NQO2: variants seen among roughly 807,000 people sequenced by gnomAD.
The protein encoded by NQO2 is N-ribosyldihydronicotinamide:quinone dehydrogenase 2.
In NQO2, 18 loss-of-function variants were observed where a neutral mutation model predicts 22.0. The observed-to-expected ratio is 0.82, with a 90% CI of 0.56 to 1.21. The LOEUF (loss-of-function observed/expected upper bound fraction) is 1.21, where lower values mean the gene tolerates loss of function less well. Among genes scored for constraint, NQO2 ranks in the 50% most tolerant of loss-of-function variants. NQO2 has a pLI of 0.00. For missense variants in NQO2, 267 were observed against 286.9 expected (o/e 0.93, Z 0.50); for synonymous variants, 106 against 110.8 (o/e 0.96, Z 0.28).
At chr6:3,014,511 C>T (rs376872120) in intron 4 of NQO2, among the ~76,000 whole-genome samples, 2 of 152,298 alleles carry the variant, frequency 1.3e-5, no homozygotes, top group East Asian at 3.9e-4. Context: ...GCCCGCTTTC[C>T]TCCTCGCACC....
chr6:3,006,892 C>T lies in NQO2; in HGVS notation c.7+333C>T, dbSNP rs1256618895. 1 of 415,632 alleles carries T rather than the reference C, an allele frequency of 2.4e-6. No individual in the cohort carries two copies. The highest frequency in any genetic ancestry group is 4.2e-6 in the Non-Finnish European group (1 of 235,938). 25.7% of individuals were successfully genotyped at this position (415,632 alleles called of 1,614,324 possible). The stretch of plus-strand genomic sequence containing the variant: ...TCCAGGCCCTGAAATTCTCCCTGGG[C>T]TGTAGCAGGGGCTCAAGTGAATGAA... On this transcript the variant is annotated intron_variant, in intron 2 of 6. Transcript: ENST00000380455. The surrounding 1 kb of genome is among the most constrained non-coding windows in gnomAD (Gnocchi z 4.0).
At chr6:3,004,672 T>G (rs1756877463) in intron 1 of NQO2, 1 of 983,614 alleles carries the variant, frequency 1.0e-6, no homozygotes, top group Admixed American at 6.1e-5. Context: ...GCACCACTTT[T>G]GTGTGTCTCT....
chr6:3,017,035 G>T, intron 6 of NQO2, 50 bp downstream of exon 6: 5 of 1,595,336 alleles, frequency 3.1e-6, no homozygotes, highest in Non-Finnish European at 4.3e-6. Flanking sequence ...CGCACACACA[G>T]ACACACACAT....
At position 3,012,639 on chromosome 6, in the gene NQO2, A is replaced by G; in HGVS notation, c.268A>G (p.Lys90Glu). ...SLASDITDEQKKVREADLVIF... is the reference protein window; with the variant it reads ...SLASDITDEQEKVREADLVIF... ...GGCTAGCGACATCACTGATGAGCAG[A>G]AAAAGGTTCGGGAGGCTGACCTAGT... Residue 90 changes from lysine to glutamate, a missense_variant, in exon 4 of 7, where the codon AAA becomes GAA. Lys to Glu is a moderately conservative substitution (Grantham distance 56). Transcript: ENST00000380455. 4 of 1,613,450 alleles carry G rather than the reference A, an allele frequency of 2.5e-6. No homozygotes were observed. The highest frequency in any genetic ancestry group is 3.4e-6 in the Non-Finnish European group (4 of 1,179,656).
rs1330291976 is a variant in NQO2, at chr6:3,002,235, T to G, written c.-86+2150T>G. ...TGATTTCGGGCAATCACTTTGGGAA[T>G]CAGGATAAGGTGTTCCCCCAGTCTG... On this transcript the variant is annotated intron_variant, in intron 1 of 6. Transcript: ENST00000380455. The G allele has an allele frequency of 3.0e-6, 3 of 985,250 alleles. No individual in the cohort carries two copies. The African/African-American group carries it at 5.2e-5, about 17-fold the overall frequency. 61.0% of individuals were successfully genotyped at this position (985,250 alleles called of 1,614,324 possible). A position where few individuals can be genotyped will look rare whatever the true frequency, so the allele number is the denominator to read the frequency against.
rs369350637 is a variant in NQO2 at position 3,010,228 on chromosome 6, C to T, written c.172+39C>T. On this transcript the variant is annotated intron_variant, in intron 3 of 6. Coordinates refer to ENST00000380455, the MANE Select transcript of NQO2 (RefSeq NM_000904.6). ...TAAATGCTCTATTTATAAAAACCAT[C>T]TTTATGTTTTTTACTTTAAAAAATG... 680 of 1,473,852 alleles carry T rather than the reference C, an allele frequency of 4.6e-4. 1 individual carries two copies. The highest frequency in any genetic ancestry group is 1.2e-3 in the Admixed American group (50 of 43,046). 91.3% of individuals were successfully genotyped at this position (1,473,852 alleles called of 1,614,324 possible). A position where few individuals can be genotyped will look rare whatever the true frequency, so the allele number is the denominator to read the frequency against.
chr6:3,004,155 C>A, intron 1 of NQO2: 1 of 211,920 alleles, frequency 4.7e-6, no homozygotes, highest in Non-Finnish European at 8.1e-6. Flanking sequence ...TCTTGGAAGC[C>A]CCGCCTGTGA....
rs574958000 is a variant in NQO2, at chr6:3,005,922, G to A, written c.-85-546G>A. 1.5e-5 allele frequency: 8 copies of A among 536,064 alleles called. No individual in the cohort carries two copies. In the South Asian group the frequency reaches 6.4e-4, roughly 43 times the overall value. The allele number at this position is 536,064 out of a possible 1,614,324, so 33.2% of individuals were successfully genotyped here. ...GGAAATTGCACCAAGTCTGTCTGAT[G>A]CGGGGGTCTCCTCTGCTCCTCTGGC... On this transcript the variant is annotated intron_variant, in intron 1 of 6. Transcript: ENST00000380455.
intron 2 of NQO2, among the ~76,000 whole-genome samples, chr6:3,009,097 C>T (rs1581325365): frequency 6.6e-6 from 1 of 152,146 alleles, no homozygotes; most frequent in Admixed American, 6.6e-5. Context: ...TCTTAATAAG[C>T]CTGGGAGCGC....
chr6:3,010,229 T>C, intron 3 of NQO2, 40 bp downstream of exon 3: 6 of 1,466,024 alleles, frequency 4.1e-6, no homozygotes, highest in Non-Finnish European at 5.5e-6. Context: ...AAAAACCATC[T>C]TTATGTTTTT....
intron 1 of NQO2, among the ~76,000 whole-genome samples, chr6:3,000,554 T>A (rs1756650242): frequency 6.6e-6 from 1 of 152,054 alleles, no homozygotes; most frequent in Non-Finnish European, 1.5e-5. Flanking sequence ...TTTTTTTTTT[T>A]TCCCCGAGAC....
At chr6:3,010,433 C>T (rs1222270124) in intron 3 of NQO2, among the ~76,000 whole-genome samples, 1 of 151,822 alleles carries the variant, frequency 6.6e-6, no homozygotes, top group Non-Finnish European at 1.5e-5. Context: ...ATTGGACTAT[C>T]ATATCCACGA....
intron 1 of NQO2, among the ~76,000 whole-genome samples, chr6:3,000,935 C>T (rs1486974327): frequency 6.6e-6 from 1 of 152,052 alleles, no homozygotes; most frequent in Non-Finnish European, 1.5e-5. Context: ...CTCTGCCTTC[C>T]AGGTTCAAGC....
At position 3,006,692 on chromosome 6, in the gene NQO2, C is replaced by T. The variant is rs555315667; in HGVS notation, c.7+133C>T. The T allele has an allele frequency of 2.4e-6, 2 of 848,106 alleles. No homozygotes were observed. Among genetic ancestry groups the T allele is most frequent in the East Asian group, 3.0e-5 (1 of 33,368 alleles). The allele number at this position is 848,106 out of a possible 1,614,324, so 52.5% of individuals were successfully genotyped here. On this transcript the variant is annotated intron_variant, in intron 2 of 6. Coordinates refer to ENST00000380455, the MANE Select transcript of NQO2 (RefSeq NM_000904.6). This position sits in a 1 kb window ranked among gnomAD's most constrained non-coding sequence, Gnocchi z 4.0. ...TGACCTTCCAGGTGGGAGTTAGACT[C>T]TTAATCAGAAATTGGATACATTGTT...
intron 4 of NQO2, 166 bp from the exon 5 acceptor site, chr6:3,015,364 C>T: frequency 1.0e-6 from 1 of 985,452 alleles, no homozygotes; most frequent in Non-Finnish European, 1.2e-6. Context: ...TCCCGTCTGA[C>T]ACCCACACTG....
In NQO2 at chr6:3,006,537, T is replaced by C; in HGVS notation, c.-16T>C. 1 of 1,611,944 alleles carries C rather than the reference T, an allele frequency of 6.2e-7. No individual in the cohort carries two copies. The highest frequency in any genetic ancestry group is 1.1e-5 in the South Asian group (1 of 90,696). ...CACCCATCAAATCAGAGAGAAGGAA[T>C]CCACCTTCTTACGCTATGGCAGGTA... On this transcript the variant is annotated 5_prime_UTR_variant, in exon 2 of 7. Coordinates refer to ENST00000380455, the MANE Select transcript of NQO2 (RefSeq NM_000904.6). The surrounding 1 kb of genome is among the most constrained non-coding windows in gnomAD (Gnocchi z 4.0).
chr6:3,014,085 C>T (rs959980695), intron 4 of NQO2, among the ~76,000 whole-genome samples: 5 of 152,176 alleles, frequency 3.3e-5, no homozygotes, highest in South Asian at 2.1e-4. Flanking sequence ...CGCATGAGTC[C>T]GCCATGTGAG....
intron 3 of NQO2, among the ~76,000 whole-genome samples, chr6:3,011,356 G>A (rs534372071): frequency 6.6e-6 from 1 of 152,240 alleles, no homozygotes; most frequent in East Asian, 1.9e-4. Context: ...AATGGATGAA[G>A]CAGAAGAAAA....
At chr6:3,002,200 A>G (rs1369658170) in intron 1 of NQO2, 3 of 985,330 alleles carry the variant, frequency 3.0e-6, no homozygotes, top group African/African-American at 1.7e-5. Flanking sequence ...AGCATTTCAT[A>G]CAAACAACAT....
Sources: allele counts gnomAD v4.1 joint callset (sites outside exome capture counted in the v4.1 genomes callset), GRCh38; gene constraint gnomAD v4.1.1; non-coding constraint Gnocchi (gnomAD v3.1); transcripts MANE v1.5; gene names NCBI Gene and HGNC (gene_info 2026-07-23, HGNC 2026-07-21).